NEBL: variants seen among roughly 807,000 people sequenced by gnomAD.
The protein encoded by NEBL is nebulette, also known as LIM and SH3 protein 2.
A neutral mutation model predicts 140.2 loss-of-function variants in NEBL; 122 were observed. The ratio of observed to expected loss-of-function variants is 0.87; its 90% CI spans 0.75 to 1.01. The LOEUF is 1.01. Among genes scored for constraint, NEBL ranks in the 50% least tolerant of loss-of-function variants. The pLI, the probability that NEBL is intolerant of heterozygous loss-of-function variation, is 0.00. For synonymous variants in NEBL, 436 were observed against 398.9 expected (o/e 1.09, Z -1.11); for missense variants, 1,365 against 1,231.3 (o/e 1.11, Z -1.62).
At chr10:21,165,016 T>C (rs966192438) in intron 2 of NEBL, among the ~76,000 whole-genome samples, 1 of 152,232 alleles carries the variant, frequency 6.6e-6, no homozygotes, top group African/African-American at 2.4e-5. Context: ...TTTAACAATG[T>C]GACCTTTTCT....
intron 9 of NEBL, among the ~76,000 whole-genome samples, chr10:20,857,815 G>A (rs1843234272): frequency 6.6e-6 from 1 of 152,098 alleles, no homozygotes; most frequent in South Asian, 2.1e-4. Context: ...GGAATTATTT[G>A]CAGAGAAAAT....
At chr10:20,984,248 T>C (rs140043013) in intron 3 of NEBL, among the ~76,000 whole-genome samples, 16 of 152,300 alleles carry the variant, frequency 1.1e-4, no homozygotes, top group African/African-American at 3.6e-4. Context: ...ACCATCATTG[T>C]AAAACAAACT....
In NEBL at chr10:21,228,113, G is replaced by GT. The variant is rs143781886; in HGVS notation, n.348+19807dup. On this transcript the variant is annotated intron_variant and non_coding_transcript_variant, in intron 3 of 8. Transcript: ENST00000675702. ...AAAAAGTTAATCCAAAGTTTTTTGGGTTTTTTTTTTCGAGTTGTTGTTGTT... is the reference window on the plus strand; with the variant it reads ...AAAAAGTTAATCCAAAGTTTTTTGGGTTTTTTTTTTTCGAGTTGTTGTTGTT... Among the ~76,000 whole-genome samples the GT allele has an allele frequency of 2.6e-3, 385 of 147,022 alleles. 2 individuals are homozygous for GT. Among genetic ancestry groups the GT allele is most frequent in the African/African-American group, 8.5e-3 (341 of 40,234 alleles).
At chr10:20,870,976 G>T (rs977461344) in intron 5 of NEBL, among the ~76,000 whole-genome samples, 2 of 152,160 alleles carry the variant, frequency 1.3e-5, no homozygotes, top group South Asian at 2.1e-4. Context: ...TATTTCTTGC[G>T]ATTTGTCTTG....
At chr10:21,002,238 TA>T (rs1000577415) in intron 3 of NEBL, among the ~76,000 whole-genome samples, 1 of 151,756 alleles carries the variant, frequency 6.6e-6, no homozygotes, top group Non-Finnish European at 1.5e-5. Flanking sequence ...ACATGAGTCA[TA>T]AAAAAAGTTA....
chr10:20,925,427 C>G (rs1475226248), intron 4 of NEBL, among the ~76,000 whole-genome samples: 1 of 152,100 alleles, frequency 6.6e-6, no homozygotes, highest in Non-Finnish European at 1.5e-5. Context: ...CCCTCCATCC[C>G]CCTTGTAGAG....
chr10:21,286,693 G>A (rs552070279), intron 1 of NEBL, among the ~76,000 whole-genome samples: 1 of 152,284 alleles, frequency 6.6e-6, no homozygotes, highest in African/African-American at 2.4e-5. Flanking sequence ...AATTAGCCAG[G>A]CGTGGTGGTG....
chr10:21,062,758 C>A (rs906612818), intron 2 of NEBL, among the ~76,000 whole-genome samples: 1 of 152,058 alleles, frequency 6.6e-6, no homozygotes, highest in African/African-American at 2.4e-5. Context: ...ATGAGATCAA[C>A]CCTCTCAGTT....
chr10:21,256,726 G>T (rs1264596412), intron 1 of NEBL, among the ~76,000 whole-genome samples: 1 of 152,152 alleles, frequency 6.6e-6, no homozygotes, highest in African/African-American at 2.4e-5. Context: ...AGCTACTCAA[G>T]AGACTGATAC....
intron 3 of NEBL, among the ~76,000 whole-genome samples, chr10:20,988,307 T>C (rs2131679654): frequency 6.6e-6 from 1 of 152,282 alleles, no homozygotes; most frequent in South Asian, 2.1e-4. Context: ...GAAAAACCCT[T>C]TCCACATTAC....
chr10:20,886,803 T>C (rs533261201), intron 4 of NEBL, among the ~76,000 whole-genome samples: 1 of 152,184 alleles, frequency 6.6e-6, no homozygotes, highest in Admixed American at 6.5e-5. Context: ...GTGAAATGCA[T>C]AGAACAACTT....
At chr10:20,898,450 A>C (rs954345901), upstream of NEBL, among the ~76,000 whole-genome samples, 2 of 151,960 alleles carry the variant, frequency 1.3e-5, no homozygotes, top group African/African-American at 4.8e-5. Flanking sequence ...CTGTAAAAAA[A>C]AAATGCCTTG....
At chr10:20,823,830 G>C (rs1839588528) in intron 18 of NEBL, among the ~76,000 whole-genome samples, 1 of 151,976 alleles carries the variant, frequency 6.6e-6, no homozygotes, top group Admixed American at 6.6e-5. Context: ...AATAAAAGAA[G>C]AGAAAAAGGG....
chr10:20,906,927 A>G (rs1178519179), intron 4 of NEBL, among the ~76,000 whole-genome samples: 2 of 152,074 alleles, frequency 1.3e-5, no homozygotes, highest in African/African-American at 4.8e-5. Context: ...TACGCACTAC[A>G]ATGAGACATG....
chr10:20,872,275 T>C (rs1196242500), intron 5 of NEBL, among the ~76,000 whole-genome samples: 3 of 152,060 alleles, frequency 2.0e-5, no homozygotes, highest in Non-Finnish European at 4.4e-5. Flanking sequence ...AAAACAAATA[T>C]TAAGATTGAC....
At position 20,781,572 on chromosome 10, in the gene NEBL, T is replaced by A. The variant is rs905205325; in HGVS notation, c.*4175A>T. On this transcript the variant is annotated 3_prime_UTR_variant, in exon 28 of 28. Coordinates refer to ENST00000377122, the MANE Select transcript of NEBL (RefSeq NM_006393.3). The stretch of plus-strand genomic sequence containing the variant: ...AAGAAGTGATACTATGCAAACTGGA[T>A]ACCATGTATCAAGCACAAAAAATCC... 2.0e-5 allele frequency: 3 copies of A among 152,200 alleles called. No homozygotes were observed. Among genetic ancestry groups the A allele is most frequent in the African/African-American group, 7.2e-5 (3 of 41,458 alleles). The allele number at this position is 152,200 out of a possible 1,614,324, so 9.4% of individuals were successfully genotyped here.
intron 2 of NEBL, among the ~76,000 whole-genome samples, chr10:21,061,559 T>TATAA (rs1835309926): frequency 6.7e-6 from 1 of 148,744 alleles, no homozygotes; most frequent in Non-Finnish European, 1.5e-5. Flanking sequence ...CATATATAAA[T>TATAA]ATAAATATAA....
intron 3 of NEBL, among the ~76,000 whole-genome samples, chr10:21,014,931 A>G (rs940346633): frequency 6.6e-6 from 1 of 152,274 alleles, no homozygotes; most frequent in African/African-American, 2.4e-5. Context: ...AGATTAAAAA[A>G]GAATCAACAT....
At chr10:21,186,696 G>A (rs1022004285) in intron 3 of NEBL, among the ~76,000 whole-genome samples, 3 of 150,612 alleles carry the variant, frequency 2.0e-5, no homozygotes, top group African/African-American at 4.9e-5. Flanking sequence ...GCTATCGTTA[G>A]CGTTAGTGTA....
Sources: allele counts gnomAD v4.1 joint callset (sites outside exome capture counted in the v4.1 genomes callset), GRCh38; gene constraint gnomAD v4.1.1; transcripts MANE v1.5; gene names NCBI Gene and HGNC (gene_info 2026-07-23, HGNC 2026-07-21).